Variants in MND1 observed in about 807,000 individuals in gnomAD.
MND1 encodes meiotic nuclear division protein 1 homolog.
A neutral mutation model predicts 35.1 loss-of-function variants in MND1; 28 were observed. That is an observed-to-expected ratio of 0.80 (90% CI 0.59 to 1.09). The LOEUF is 1.09. Among genes scored for constraint, MND1 ranks in the 50% least tolerant of loss-of-function variants. The probability of loss-of-function intolerance (pLI) is 0.00; values close to 1 mark genes in which losing one functional copy is unlikely to be tolerated. For missense variants in MND1, 213 were observed against 239.6 expected, an observed-to-expected ratio of 0.89 and a Z score of 0.73; for synonymous variants, 69 against 70.5, an observed-to-expected ratio of 0.98 and a Z score of 0.11.
chr4:153,353,010 C>T (rs1048149077), intron 2 of MND1, among the ~76,000 whole-genome samples: 2 of 152,058 alleles, frequency 1.3e-5, no homozygotes, highest in Non-Finnish European at 2.9e-5. Context: ...ATCTGGAGCT[C>T]TTCCTTGGTG....
intron 4 of MND1, among the ~76,000 whole-genome samples, chr4:153,379,815 A>C (rs138577682): frequency 2.1e-5 from 3 of 140,394 alleles, no homozygotes; most frequent in Non-Finnish European, 4.5e-5. Flanking sequence ...ACACCACTGC[A>C]CTTCAGCCTG....
At chr4:153,411,158 A>G (rs2149660928) in intron 7 of MND1, among the ~76,000 whole-genome samples, 1 of 152,330 alleles carries the variant, frequency 6.6e-6, no homozygotes, top group South Asian at 2.1e-4. Context: ...CTTCAATTAT[A>G]TCATATGAAA....
At chr4:153,412,018 T>C (rs1474039957) in intron 7 of MND1, among the ~76,000 whole-genome samples, 1 of 152,224 alleles carries the variant, frequency 6.6e-6, no homozygotes, top group Non-Finnish European at 1.5e-5. Context: ...GTAAAAATTA[T>C]CCTAGAATAT....
intron 1 of MND1, chr4:153,345,338 A>C (rs1239923691): frequency 5.1e-6 from 5 of 985,354 alleles, no homozygotes; most frequent in Non-Finnish European, 4.8e-6. Context: ...ATGGATCTTC[A>C]CTGTGTGCCA....
intron 4 of MND1, among the ~76,000 whole-genome samples, chr4:153,384,227 T>A (rs1207459153): frequency 6.6e-6 from 1 of 151,502 alleles, no homozygotes; most frequent in African/African-American, 2.4e-5. Context: ...TGCCTGCTTT[T>A]TTTCATCCAT....
chr4:153,391,079 ATTAT>A (rs781548978), intron 4 of MND1, among the ~76,000 whole-genome samples: 6 of 152,100 alleles, frequency 3.9e-5, no homozygotes, highest in Non-Finnish European at 8.8e-5. Flanking sequence ...ATTGGAAAAA[ATTAT>A]TTACTCCTAA....
At position 153,350,137 on chromosome 4, in the gene MND1, A is replaced by G; in HGVS notation, c.69+8A>G. ...GAAATATTTTCTGAAACAGTAAGTC[A>G]TTTTCTTTAACACTTATAATTTTGT... On this transcript the variant is annotated splice_region_variant and intron_variant, in intron 2 of 7. Coordinates refer to ENST00000240488, the MANE Select transcript of MND1 (RefSeq NM_032117.4). The G allele has an allele frequency of 6.3e-7, 1 of 1,590,122 alleles. No homozygotes were observed. The highest frequency in any genetic ancestry group is 8.6e-7 in the Non-Finnish European group (1 of 1,163,056).
At chr4:153,346,690 T>C (rs1002929551) in intron 1 of MND1, among the ~76,000 whole-genome samples, 2 of 152,224 alleles carry the variant, frequency 1.3e-5, no homozygotes, top group African/African-American at 4.8e-5. Flanking sequence ...TCCACATTTC[T>C]TGAGTAACTT....
intron 7 of MND1, chr4:153,409,220 G>C (rs775642643): frequency 5.3e-5 from 11 of 206,688 alleles, no homozygotes; most frequent in Non-Finnish European, 8.2e-5. Flanking sequence ...TAAAGCATAA[G>C]ATATTTTTGT....
chr4:153,394,781 A>G (rs1042079092), intron 5 of MND1, among the ~76,000 whole-genome samples: 6 of 152,288 alleles, frequency 3.9e-5, no homozygotes, highest in Admixed American at 2.6e-4. Flanking sequence ...AACAAACTGA[A>G]AACTATCAAC....
chr4:153,369,565 A>G (rs77831484), intron 4 of MND1, among the ~76,000 whole-genome samples: 13,065 of 152,172 alleles, frequency 0.086, 729 homozygotes, highest in Admixed American at 0.16. Context: ...ACTAATGTAC[A>G]TTAATTTAAA....
chr4:153,404,602 G>A (rs1383495907), intron 6 of MND1, among the ~76,000 whole-genome samples: 1 of 151,726 alleles, frequency 6.6e-6, no homozygotes, highest in Non-Finnish European at 1.5e-5. Flanking sequence ...AGCCTCCTGA[G>A]TAGCTGGGAT....
At chr4:153,354,573 G>C (rs1336618203) in intron 2 of MND1, among the ~76,000 whole-genome samples, 1 of 152,118 alleles carries the variant, frequency 6.6e-6, no homozygotes, top group Non-Finnish European at 1.5e-5. Context: ...CACAGTCATA[G>C]CTTACTGCAG....
intron 1 of MND1, among the ~76,000 whole-genome samples, chr4:153,348,785 A>G (rs955014501): frequency 2.6e-5 from 4 of 152,130 alleles, no homozygotes; most frequent in African/African-American, 7.2e-5. Flanking sequence ...TGCTGGGATT[A>G]CAGGTGTGAG....
At chr4:153,387,124 C>T (rs1428157001) in intron 4 of MND1, among the ~76,000 whole-genome samples, 1 of 152,024 alleles carries the variant, frequency 6.6e-6, no homozygotes, top group Non-Finnish European at 1.5e-5. Context: ...CAGAGATAAC[C>T]ATTGCTTAGA....
intron 6 of MND1, among the ~76,000 whole-genome samples, chr4:153,399,681 G>C (rs1331893853): frequency 6.6e-6 from 1 of 152,126 alleles, no homozygotes; most frequent in East Asian, 1.9e-4. Flanking sequence ...TTTCTGGAGG[G>C]TGGAATAACA....
chr4:153,345,810 A>G (rs889169402), intron 1 of MND1, among the ~76,000 whole-genome samples: 3 of 152,266 alleles, frequency 2.0e-5, no homozygotes, highest in Non-Finnish European at 4.4e-5. Flanking sequence ...CTGGGCGTGA[A>G]GTGCTCTAAG....
chr4:153,346,782 T>TG (rs1193271012), intron 1 of MND1, among the ~76,000 whole-genome samples: 4 of 152,292 alleles, frequency 2.6e-5, no homozygotes, highest in African/African-American at 7.2e-5. Flanking sequence ...TGCCTGCCTC[T>TG]GGGGGGCAGA....
chr4:153,353,882 G>A (rs1773279587), intron 2 of MND1, among the ~76,000 whole-genome samples: 1 of 152,110 alleles, frequency 6.6e-6, no homozygotes, highest in Admixed American at 6.6e-5. Flanking sequence ...ATAACGTCCA[G>A]CTAATTTTTG....
Sources: allele counts gnomAD v4.1 joint callset (sites outside exome capture counted in the v4.1 genomes callset), GRCh38; gene constraint gnomAD v4.1.1; transcripts MANE v1.5; gene names NCBI Gene and HGNC (gene_info 2026-07-23, HGNC 2026-07-21).